The following GPD2 variants were observed in gnomAD, a reference collection of about 807,000 sequenced individuals.
The protein encoded by GPD2 is glycerol-3-phosphate dehydrogenase, mitochondrial.
GPD2 carries 54 observed loss-of-function variants against 82.4 expected under a neutral mutation model. That is an observed-to-expected ratio of 0.66 (90% CI 0.53 to 0.82). The LOEUF (loss-of-function observed/expected upper bound fraction) is 0.82, where lower values mean the gene tolerates loss of function less well. Ranked by LOEUF, GPD2 falls within the 40% of genes least tolerant of loss-of-function variation. The pLI is 0.00. For synonymous variants in GPD2, 288 were observed against 306.1 expected, an observed-to-expected ratio of 0.94 and a Z score of 0.62; for missense variants, 748 against 896.2, an observed-to-expected ratio of 0.83 and a Z score of 2.11.
chr2:156,468,441 C>T (rs916378993), intron 1 of GPD2, among the ~76,000 whole-genome samples: 19 of 152,256 alleles, frequency 1.2e-4, no homozygotes, highest in East Asian at 1.9e-4. Context: ...CAGTGTGACA[C>T]GACTCAAAAT....
At chr2:156,444,720 T>TACACACACACACACACACAC (rs397789170) in intron 1 of GPD2, among the ~76,000 whole-genome samples, 1 of 150,088 alleles carries the variant, frequency 6.7e-6, no homozygotes, top group Non-Finnish European at 1.5e-5. Flanking sequence ...CAAAAACAAA[T>TACACACACACACACACACAC]ACACACACAC....
intron 9 of GPD2, among the ~76,000 whole-genome samples, chr2:156,562,840 G>A (rs1687226752): frequency 6.6e-6 from 1 of 152,018 alleles, no homozygotes; most frequent in African/African-American, 2.4e-5. Context: ...AAATCTGAAT[G>A]AGTTATTTTT....
At chr2:156,520,765 C>T (rs1285012123) in intron 6 of GPD2, among the ~76,000 whole-genome samples, 1 of 151,510 alleles carries the variant, frequency 6.6e-6, no homozygotes, top group Non-Finnish European at 1.5e-5. Flanking sequence ...TTTTGTATTT[C>T]AGTAGAGATG....
intron 5 of GPD2, among the ~76,000 whole-genome samples, 171 bp from the exon 6 acceptor site, chr2:156,513,162 T>C (rs1242919397): frequency 1.3e-5 from 2 of 152,214 alleles, no homozygotes; most frequent in East Asian, 3.8e-4. Flanking sequence ...ATTTTACTTA[T>C]AGACTTCAGC....
intron 1 of GPD2, among the ~76,000 whole-genome samples, chr2:156,462,049 G>C (rs1012333276): frequency 5.9e-5 from 9 of 152,110 alleles, no homozygotes; most frequent in Middle Eastern, 3.2e-3. Context: ...AGGAATTTTC[G>C]AGTTTTTTAG....
In GPD2 at chr2:156,586,066, T is replaced by C. The variant is rs1688206091; in HGVS notation, c.*3148T>C. 1 of 152,436 alleles carries C rather than the reference T, an allele frequency of 6.6e-6. No homozygotes were observed. Among genetic ancestry groups the C allele is most frequent in the Admixed American group, 6.6e-5 (1 of 15,230 alleles). 9.4% of individuals were successfully genotyped at this position (152,436 alleles called of 1,614,324 possible). A position where few individuals can be genotyped will look rare whatever the true frequency, so the allele number is the denominator to read the frequency against. The stretch of plus-strand genomic sequence containing the variant: ...ACACAGAATGAGCTGCATGCATTTA[T>C]AGAGCAATAAGAGGATGTATTTAAT... On this transcript the variant is annotated 3_prime_UTR_variant, in exon 17 of 17. Transcript: ENST00000438166.
At chr2:156,488,137 A>G (rs1684014623) in intron 2 of GPD2, among the ~76,000 whole-genome samples, 1 of 151,954 alleles carries the variant, frequency 6.6e-6, no homozygotes, top group South Asian at 2.1e-4. Flanking sequence ...ACCATTGGCA[A>G]CTCTATCTAC....
chr2:156,515,951 T>C (rs1685182487), intron 6 of GPD2, among the ~76,000 whole-genome samples: 1 of 152,210 alleles, frequency 6.6e-6, no homozygotes, highest in African/African-American at 2.4e-5. Context: ...TCAAATTGAA[T>C]ATCGACATGG....
At chr2:156,469,515 C>T (rs547226741) in intron 1 of GPD2, among the ~76,000 whole-genome samples, 2 of 152,144 alleles carry the variant, frequency 1.3e-5, no homozygotes, top group South Asian at 4.2e-4. Flanking sequence ...GTATATGTAC[C>T]ACATTTTTGT....
chr2:156,479,790 G>A (rs968195173), intron 2 of GPD2, among the ~76,000 whole-genome samples: 3 of 152,114 alleles, frequency 2.0e-5, no homozygotes, highest in African/African-American at 7.2e-5. Flanking sequence ...CGTGGTCTTA[G>A]AGTGGCTTCT....
the GPD2 span, among the ~76,000 whole-genome samples, chr2:156,413,600 TAAATAA>T: frequency 6.7e-6 from 1 of 150,070 alleles, no homozygotes; most frequent in Non-Finnish European, 1.5e-5. Context: ...AAAAAATAAA[TAAATAA>T]AAATAAAAAT....
chr2:156,535,205 T>C (rs2105312356), intron 6 of GPD2, among the ~76,000 whole-genome samples: 1 of 151,682 alleles, frequency 6.6e-6, no homozygotes, highest in African/African-American at 2.4e-5. Flanking sequence ...GTACTCAGGG[T>C]GCAGAAAACT....
the GPD2 span, among the ~76,000 whole-genome samples, chr2:156,420,186 T>A: frequency 6.6e-6 from 1 of 152,188 alleles, no homozygotes; most frequent in Middle Eastern, 3.4e-3. Context: ...TTTCTTTCCT[T>A]TTTTTTTCTT....
chr2:156,569,111 G>GA (rs1169321155), intron 10 of GPD2, 152 bp downstream of exon 10: 1 of 717,006 alleles, frequency 1.4e-6, no homozygotes, highest in East Asian at 2.6e-5. Flanking sequence ...TTACAGGCAT[G>GA]AGCCACTACA....
chr2:156,499,066 A>T (rs1167038920), intron 3 of GPD2, among the ~76,000 whole-genome samples: 1 of 152,144 alleles, frequency 6.6e-6, no homozygotes, highest in African/African-American at 2.4e-5. Flanking sequence ...TTTCTCAGGG[A>T]TAGAAACAAA....
At chr2:156,562,000 T>C (rs1239708012) in intron 9 of GPD2, among the ~76,000 whole-genome samples, 6 of 152,360 alleles carry the variant, frequency 3.9e-5, no homozygotes, top group African/African-American at 1.2e-4. Flanking sequence ...AAATGGGTAA[T>C]TGATAGTTCT....
intron 1 of GPD2, among the ~76,000 whole-genome samples, chr2:156,453,024 T>C (rs1345966798): frequency 6.6e-6 from 1 of 152,198 alleles, no homozygotes; most frequent in African/African-American, 2.4e-5. Context: ...AGATTTCAAA[T>C]GGCTATTTTG....
At position 156,583,063 on chromosome 2, in the gene GPD2, T is replaced by C; in HGVS notation, c.*145T>C. 1 of 816,834 alleles carries C rather than the reference T, an allele frequency of 1.2e-6. No individual in the cohort carries two copies. The highest frequency in any genetic ancestry group is 1.5e-5 in the South Asian group (1 of 68,856). 50.6% of individuals were successfully genotyped at this position (816,834 alleles called of 1,614,324 possible). A position where few individuals can be genotyped will look rare whatever the true frequency, so the allele number is the denominator to read the frequency against. On this transcript the variant is annotated 3_prime_UTR_variant, in exon 17 of 17. Coordinates refer to ENST00000438166, the MANE Select transcript of GPD2 (RefSeq NM_000408.5). ...GAAAACATTCCAAAACTTTAAGGTG[T>C]TGGTGTATTTGCCAGCTTTATTTGC...
chr2:156,403,031 G>A, the GPD2 span, among the ~76,000 whole-genome samples: 1 of 149,500 alleles, frequency 6.7e-6, no homozygotes, highest in African/African-American at 2.5e-5. Flanking sequence ...TGATGCTCAA[G>A]TGGAAGGCCT....
Sources: allele counts gnomAD v4.1 joint callset (sites outside exome capture counted in the v4.1 genomes callset), GRCh38; gene constraint gnomAD v4.1.1; transcripts MANE v1.5; gene names NCBI Gene and HGNC (gene_info 2026-07-23, HGNC 2026-07-21).